The following SLC24A2 variants were observed in gnomAD, a reference collection of about 807,000 sequenced individuals.
SLC24A2 encodes solute carrier family 24 member 2.
SLC24A2 carries 36 observed loss-of-function variants against 62.0 expected under a neutral mutation model. That is an observed-to-expected ratio of 0.58 (90% CI 0.44 to 0.77). The LOEUF is 0.77. SLC24A2 is among the 30% of genes least tolerant of loss of function. SLC24A2 has a pLI of 0.00. For missense variants in SLC24A2, 846 were observed against 817.9 expected, an observed-to-expected ratio of 1.03 and a Z score of -0.42; for synonymous variants, 358 against 294.0, an observed-to-expected ratio of 1.22 and a Z score of -2.23.
chr9:20,234,096 G>C, the SLC24A2 span, among the ~76,000 whole-genome samples: 1 of 152,232 alleles, frequency 6.6e-6, no homozygotes, highest in Non-Finnish European at 1.5e-5. Context: ...CAAGAGATCA[G>C]CTGTTAGTCT....
At chr9:20,267,750 G>T in the SLC24A2 span, among the ~76,000 whole-genome samples, 1 of 152,276 alleles carries the variant, frequency 6.6e-6, no homozygotes, top group East Asian at 1.9e-4. Flanking sequence ...TCTCATTTAT[G>T]AAGTTGCCAA....
chr9:19,850,967 GTATATATATATATATA>G, the SLC24A2 span, among the ~76,000 whole-genome samples: 8 of 18,192 alleles, frequency 4.4e-4, 2 homozygotes, highest in Admixed American at 7.9e-4. Flanking sequence ...ATATATATAT[GTATATATATATATATA>G]TGTATATATA....
chr9:19,854,860 T>G, the SLC24A2 span, among the ~76,000 whole-genome samples: 1 of 152,348 alleles, frequency 6.6e-6, no homozygotes, highest in South Asian at 2.1e-4. Context: ...ATTTTTTGTC[T>G]TAATGATCTG....
At chr9:19,655,843 G>T (rs1191821133) in intron 2 of SLC24A2, among the ~76,000 whole-genome samples, 2 of 152,134 alleles carry the variant, frequency 1.3e-5, no homozygotes, top group Non-Finnish European at 2.9e-5. Flanking sequence ...TGGACTCAGT[G>T]GCAGAGGCTG....
At chr9:19,785,210 C>T (rs1053157128) in intron 2 of SLC24A2, among the ~76,000 whole-genome samples, 3 of 152,172 alleles carry the variant, frequency 2.0e-5, no homozygotes, top group Non-Finnish European at 2.9e-5. Context: ...TTCCACTCAC[C>T]TAAGTGGTAG....
intron 2 of SLC24A2, among the ~76,000 whole-genome samples, chr9:19,663,615 G>C (rs780593970): frequency 6.6e-6 from 1 of 152,144 alleles, no homozygotes; most frequent in Non-Finnish European, 1.5e-5. Context: ...TCAGAGAGCA[G>C]GGGTCAACTC....
At chr9:20,058,016 A>G in the SLC24A2 span, among the ~76,000 whole-genome samples, 1 of 152,214 alleles carries the variant, frequency 6.6e-6, no homozygotes, top group Non-Finnish European at 1.5e-5. Context: ...CAAACAAACA[A>G]AAAACTTTAA....
In SLC24A2 at chr9:19,542,295, A is replaced by G. The variant is rs1385849355; in HGVS notation, c.1479+7842T>C. On this transcript the variant is annotated intron_variant, in intron 8 of 10. Coordinates refer to ENST00000341998, the MANE Select transcript of SLC24A2 (RefSeq NM_020344.4). ...GTGATTTTTTGCACATTGATATTGT[A>G]TCCTGAGGTGCTGAAGTTGCTTATC... Among the ~76,000 whole-genome samples the G allele has an allele frequency of 2.6e-5, 4 of 152,194 alleles. No homozygotes were observed. The East Asian group carries it at 5.8e-4, about 22-fold the overall frequency.
chr9:19,605,606 A>AAAATAT (rs1349540664), intron 4 of SLC24A2, among the ~76,000 whole-genome samples: 1 of 152,220 alleles, frequency 6.6e-6, no homozygotes, highest in Admixed American at 6.5e-5. Context: ...TTCAGGAAAG[A>AAAATAT]AAATATAGAA....
chr9:20,188,721 C>A, the SLC24A2 span, among the ~76,000 whole-genome samples: 1 of 151,754 alleles, frequency 6.6e-6, no homozygotes, highest in African/African-American at 2.4e-5. Context: ...GAAGAAGCCA[C>A]GAGCTAAGGA....
chr9:19,955,421 G>A, the SLC24A2 span, among the ~76,000 whole-genome samples: 2 of 147,452 alleles, frequency 1.4e-5, no homozygotes, highest in African/African-American at 5.0e-5. Context: ...ATGTTAGTAA[G>A]GGTTTTTGTT....
At chr9:19,712,842 A>G (rs1820752952) in intron 2 of SLC24A2, among the ~76,000 whole-genome samples, 1 of 152,132 alleles carries the variant, frequency 6.6e-6, no homozygotes, top group South Asian at 2.1e-4. Flanking sequence ...TAGGGTGTTT[A>G]GCAGCATCCT....
At chr9:19,794,815 G>C in the SLC24A2 span, among the ~76,000 whole-genome samples, 1 of 151,934 alleles carries the variant, frequency 6.6e-6, no homozygotes, top group Non-Finnish European at 1.5e-5. Context: ...TGGAGAAGAG[G>C]GTACAAAGGC....
At chr9:20,153,998 G>A in the SLC24A2 span, among the ~76,000 whole-genome samples, 1 of 151,850 alleles carries the variant, frequency 6.6e-6, no homozygotes, top group African/African-American at 2.4e-5. Flanking sequence ...CATAAATTGT[G>A]CAACTGTATA....
At chr9:19,832,483 A>T in the SLC24A2 span, among the ~76,000 whole-genome samples, 3 of 152,228 alleles carry the variant, frequency 2.0e-5, no homozygotes, top group Admixed American at 1.3e-4. Context: ...GAAAACAAGA[A>T]ATGGGGAAAC....
At chr9:19,615,239 T>A (rs1187426465) in intron 4 of SLC24A2, among the ~76,000 whole-genome samples, 1 of 152,190 alleles carries the variant, frequency 6.6e-6, no homozygotes, top group East Asian at 1.9e-4. Context: ...AATAGTTCCC[T>A]TTTGAACATA....
At chr9:19,627,776 C>T (rs1440909007) in intron 2 of SLC24A2, among the ~76,000 whole-genome samples, 1 of 152,148 alleles carries the variant, frequency 6.6e-6, no homozygotes, top group Non-Finnish European at 1.5e-5. Flanking sequence ...TGAAGTGATC[C>T]TCCCACCTGA....
the SLC24A2 span, among the ~76,000 whole-genome samples, chr9:19,884,415 T>G: frequency 0.42 from 63,053 of 151,894 alleles, 13,661 homozygotes; most frequent in East Asian, 0.84. Context: ...GTTTTCACTC[T>G]TCTGAACACT....
At chr9:19,674,692 G>A (rs571425487) in intron 2 of SLC24A2, among the ~76,000 whole-genome samples, 22 of 152,272 alleles carry the variant, frequency 1.4e-4, no homozygotes, top group African/African-American at 5.1e-4. Flanking sequence ...CTCTAAGTGT[G>A]TCCTTCCTTT....
Sources: gnomAD v4.1 joint callset for allele counts (sites outside exome capture counted in the v4.1 genomes callset) on GRCh38, gnomAD v4.1.1 for gene constraint, MANE v1.5 for transcripts, NCBI Gene and HGNC (gene_info 2026-07-23, HGNC 2026-07-21) for gene names.